The following RUBCN variants were observed in gnomAD, a reference collection of about 807,000 sequenced individuals.
The protein encoded by RUBCN is rubicon autophagy regulator, also known as run domain Beclin-1-interacting and cysteine-rich domain-containing protein.
Under a neutral mutation model 113.2 loss-of-function variants are expected in RUBCN, and 74 were observed. The observed-to-expected ratio is 0.65, with a 90% CI of 0.54 to 0.79. The LOEUF is 0.79. Ranked by LOEUF, RUBCN falls within the 30% of genes least tolerant of loss-of-function variation. The pLI, the probability that RUBCN is intolerant of heterozygous loss-of-function variation, is 0.00. For missense variants in RUBCN, 1,109 were observed against 1,251.7 expected (o/e 0.89, Z 1.72); for synonymous variants, 480 against 490.0 (o/e 0.98, Z 0.27).
At chr3:197,677,266 A>T (rs1020649655) in intron 17 of RUBCN, among the ~76,000 whole-genome samples, 2 of 152,228 alleles carry the variant, frequency 1.3e-5, no homozygotes, top group African/African-American at 4.8e-5. Context: ...CAGCCTGGGA[A>T]GAGAGGTGGC....
Position 197,675,073 on chromosome 3 carries a change from T to C in RUBCN, c.2864A>G (p.Glu955Gly). The change falls in exon 20 of 20, where the codon GAG becomes GGG. Residue 955 changes from glutamate (E) to glycine (G), a missense_variant. Glu to Gly is a moderately conservative substitution (Grantham distance 98). Coordinates refer to ENST00000296343, the MANE Select transcript of RUBCN (RefSeq NM_014687.4). This position sits in a 1 kb window ranked among gnomAD's most constrained non-coding sequence, Gnocchi z 4.4. Reference sequence around the variant, plus strand: ...GGCCAGCGCTTCCGCGGGCTCCTCCTCGTAGTCTGACAGGTAAGACTCCAG... The same window carrying C: ...GGCCAGCGCTTCCGCGGGCTCCTCCCCGTAGTCTGACAGGTAAGACTCCAG... ...QSLESYLSDY[E>G]EEPAEALALE... The C allele has an allele frequency of 6.2e-7, 1 of 1,613,410 alleles. No homozygotes were observed. Among genetic ancestry groups the C allele is most frequent in the South Asian group, 1.1e-5 (1 of 91,078 alleles).
At chr3:197,727,575 G>A (rs1726903859) in intron 1 of RUBCN, among the ~76,000 whole-genome samples, 1 of 152,202 alleles carries the variant, frequency 6.6e-6, no homozygotes, top group Non-Finnish European at 1.5e-5. Flanking sequence ...CATCCAAACA[G>A]TATCTCCACT....
intron 1 of RUBCN, among the ~76,000 whole-genome samples, chr3:197,723,375 G>A (rs1439943299): frequency 2.0e-5 from 3 of 151,918 alleles, no homozygotes; most frequent in East Asian, 1.9e-4. Flanking sequence ...TAGTAGAGAC[G>A]GGGTTTCACT....
At position 197,746,598 on chromosome 3, in the gene RUBCN, T is replaced by TA. The variant is rs951163801; in HGVS notation, c.-116+2670dup. On this transcript the variant is annotated intron_variant, in intron 1 of 20. Coordinates refer to the RUBCN transcript ENST00000273582. ...AATATTACATGAAACTTACTGTAGT[T>TA]AAAAAAAAATCACTGTTTATCTGAA... Among the ~76,000 whole-genome samples the TA allele has an allele frequency of 2.3e-3, 350 of 151,894 alleles. 1 individual carries two copies. The highest frequency in any genetic ancestry group is 7.8e-3 in the African/African-American group (323 of 41,454).
intron 7 of RUBCN, 102 bp downstream of exon 7, chr3:197,700,490 AAGATGTTGTATCACCAGAAAC>A (rs1178453566): frequency 2.2e-5 from 19 of 879,614 alleles, no homozygotes; most frequent in Non-Finnish European, 3.3e-5. Context: ...ATTACAAAAT[AAGATGTTGTATCACCAGAAAC>A]AGAACATCTC....
chr3:197,748,781 T>C (rs1055879085), intron 1 of RUBCN, among the ~76,000 whole-genome samples: 1 of 152,234 alleles, frequency 6.6e-6, no homozygotes, highest in African/African-American at 2.4e-5. Context: ...AAGAAATATT[T>C]TAAAACATGG....
At chr3:197,693,527 C>T (rs1204707212) in intron 11 of RUBCN, among the ~76,000 whole-genome samples, 188 bp downstream of exon 11, 1 of 152,212 alleles carries the variant, frequency 6.6e-6, no homozygotes, top group East Asian at 1.9e-4. Flanking sequence ...ACCTGGAACA[C>T]CTGCTTCCAG....
At chr3:197,699,658 C>A (rs944816990) in intron 7 of RUBCN, among the ~76,000 whole-genome samples, 2 of 152,140 alleles carry the variant, frequency 1.3e-5, no homozygotes, top group African/African-American at 4.8e-5. Context: ...AGATTTCCAA[C>A]AAGTTAAATC....
Position 197,681,790 on chromosome 3 carries a change from T to C in RUBCN, c.2191+45A>G, listed in dbSNP as rs1231657216. 6.4e-7 allele frequency: 1 copy of C among 1,551,598 alleles called. No homozygotes were observed. The highest frequency in any genetic ancestry group is 1.1e-5 in the South Asian group (1 of 89,838). On this transcript the variant is annotated intron_variant, in intron 15 of 19. Coordinates refer to ENST00000296343, the MANE Select transcript of RUBCN (RefSeq NM_014687.4). This position sits in a 1 kb window ranked among gnomAD's most constrained non-coding sequence, Gnocchi z 5.5. ...ACCTCTCCCTACGTGTCGGGGAGGG[T>C]ACAGAGCCTCTGGAGGCAGCATGGT...
rs1720272803 is a variant in RUBCN at position 197,675,461 on chromosome 3, T to C, written c.2701A>G (p.Ile901Val). ...CACTTATGGAGCTCAAAGGGAAAGA[T>C]GATGTCATCCTCATTCTGACAGAAC... ...CEFCQNEDDI[I>V]FPFELHKCRT... Residue 901 changes from isoleucine (I) to valine (V), a missense_variant, in exon 19 of 20, where the codon ATC (isoleucine) becomes GTC (valine). This residue lies in a region of RUBCN where 306 missense variants were observed against 348.9 expected (regional missense o/e 0.88). Transcript: ENST00000296343. This position sits in a 1 kb window ranked among gnomAD's most constrained non-coding sequence, Gnocchi z 4.4. 5.0e-6 allele frequency: 8 copies of C among 1,614,120 alleles called. No individual in the cohort carries two copies. The highest frequency in any genetic ancestry group is 5.9e-6 in the Non-Finnish European group (7 of 1,180,026).
chr3:197,734,008 C>A (rs945801086), intron 1 of RUBCN, among the ~76,000 whole-genome samples: 1 of 152,126 alleles, frequency 6.6e-6, no homozygotes, highest in Non-Finnish European at 1.5e-5. Context: ...GTAATCCCAG[C>A]ACTTTGGGAG....
intron 1 of RUBCN, among the ~76,000 whole-genome samples, chr3:197,726,991 G>A (rs1219305625): frequency 1.3e-5 from 2 of 148,406 alleles, no homozygotes; most frequent in Admixed American, 6.7e-5. Context: ...CCAGGCTGGA[G>A]GGCAGTGGTG....
chr3:197,716,538 T>A (rs942779568), intron 2 of RUBCN, among the ~76,000 whole-genome samples: 1 of 152,258 alleles, frequency 6.6e-6, no homozygotes, highest in African/African-American at 2.4e-5. Context: ...AAAACCAGCA[T>A]GGTTTTAAAA....
At position 197,693,677 on chromosome 3, in the gene RUBCN, G is replaced by GGGA. The variant is rs746077099; in HGVS notation, c.1786+37_1786+38insTCC. ...TTATCATTCTAAATGGAAAGAAACA[G>GGGA]AATAAAAGTTCCCTTGTAACAAAGT... On this transcript the variant is annotated intron_variant, in intron 11 of 19. Transcript: ENST00000296343. The GGGA allele has an allele frequency of 1.5e-4, 206 of 1,330,144 alleles. 2 individuals carry two copies. The South Asian group carries it at 2.4e-3, about 15-fold the overall frequency. The allele number at this position is 1,330,144 out of a possible 1,614,324, so 82.4% of individuals were successfully genotyped here. A position where few individuals can be genotyped will look rare whatever the true frequency, so the allele number is the denominator to read the frequency against.
At chr3:197,742,607 AC>A (rs1304404602) in intron 1 of RUBCN, among the ~76,000 whole-genome samples, 1 of 151,904 alleles carries the variant, frequency 6.6e-6, no homozygotes, top group Non-Finnish European at 1.5e-5. Context: ...CACAGAAGGG[AC>A]CCTCCACTGC....
rs190397972 is a variant in RUBCN, at chr3:197,701,045, G to C, written c.829C>G (p.Pro277Ala). The C allele has an allele frequency of 1.2e-6, 2 of 1,613,920 alleles. No homozygotes were observed. Among genetic ancestry groups the C allele is most frequent in the Non-Finnish European group, 1.7e-6 (2 of 1,179,896 alleles). The change falls in exon 7 of 20, where the codon CCA becomes GCA. Residue 277 changes from proline to alanine, a missense_variant. Around this residue, in one of 3 missense-constraint regions of RUBCN, gnomAD observed 736 missense variants for 779.6 expected, o/e 0.94. Transcript: ENST00000296343. Reference protein sequence around the residue: ...PAEDQTIQAPPVSVSALARDS... With the variant: ...PAEDQTIQAPAVSVSALARDS... ...CTGGCTAGTGCAGAGACTGAAACTG[G>C]GGGGGCTTGGATGGTTTGATCCTCT... is the stretch of plus-strand genomic sequence containing the variant.
chr3:197,722,530 T>C (rs1726281299), intron 1 of RUBCN, among the ~76,000 whole-genome samples: 1 of 151,760 alleles, frequency 6.6e-6, no homozygotes, highest in African/African-American at 2.4e-5. Context: ...ACTGTTACTG[T>C]ATCAGACTTT....
intron 2 of RUBCN, among the ~76,000 whole-genome samples, chr3:197,712,768 A>G (rs963059033): frequency 2.6e-5 from 4 of 152,210 alleles, no homozygotes; most frequent in African/African-American, 9.6e-5. Context: ...AAAAACAAAT[A>G]AAAAAATTAA....
Position 197,669,954 on chromosome 3 carries a change from T to C in RUBCN, c.*5064A>G, listed in dbSNP as rs550413115. ...CCCAGGGTGGAGTGCAGTGGCGTGA[T>C]CTCGGCTCACTGCAACCTCCGCCAC... On this transcript the variant is annotated 3_prime_UTR_variant, in exon 20 of 20. Coordinates refer to ENST00000296343, the MANE Select transcript of RUBCN (RefSeq NM_014687.4). Among the ~76,000 whole-genome samples the C allele has an allele frequency of 2.7e-3, 417 of 152,314 alleles. 1 individual carries two copies. The highest frequency in any genetic ancestry group is 4.9e-3 in the Non-Finnish European group (332 of 68,030).
Sources: allele counts gnomAD v4.1 joint callset (sites outside exome capture counted in the v4.1 genomes callset), GRCh38; gene constraint gnomAD v4.1.1; regional missense constraint gnomAD v4.1.1; non-coding constraint Gnocchi (gnomAD v3.1); transcripts MANE v1.5; gene names NCBI Gene and HGNC (gene_info 2026-07-23, HGNC 2026-07-21).